The following KRT14 variants were observed in gnomAD, a reference collection of about 807,000 sequenced individuals.
KRT14 encodes keratin, type I cytoskeletal 14.
KRT14 carries 30 observed loss-of-function variants against 44.5 expected under a neutral mutation model. The ratio of observed to expected loss-of-function variants is 0.67; its 90% CI spans 0.50 to 0.92. The LOEUF is 0.92. KRT14 is among the 40% of genes least tolerant of loss of function. The pLI, the probability that KRT14 is intolerant of heterozygous loss-of-function variation, is 0.00. For synonymous variants in KRT14, 241 were observed against 257.6 expected (o/e 0.94, Z 0.62); for missense variants, 535 against 640.6 (o/e 0.84, Z 1.78).
At position 41,583,569 on chromosome 17, in the gene KRT14, C is replaced by A; in HGVS notation, c.1035G>T (p.Leu345=). 1 of 1,614,230 alleles carries A rather than the reference C, an allele frequency of 6.2e-7. No homozygotes were observed. The highest frequency in any genetic ancestry group is 8.5e-7 in the Non-Finnish European group (1 of 1,180,042). ...TTCCTACCATGCTGAGCTGGGACTG[C>A]AGCTCAATCTCCAGGTTCTGCATGG... ...RRTMQNLEIE[L]QSQLSMKASL... Residue 345 remains leucine (L), a synonymous_variant, in exon 5 of 8, where the codon CTG becomes CTT. Transcript: ENST00000167586.
chr17:41,582,877 G>T, intron 7 of KRT14: 1 of 621,892 alleles, frequency 1.6e-6, no homozygotes, highest in Non-Finnish European at 2.9e-6. Context: ...AATAGGATCT[G>T]CCACAGACAC....
Position 41,586,702 on chromosome 17 carries a change from T to G in KRT14, c.133A>C (p.Thr45Pro). The change falls in exon 1 of 8, where the codon ACC (threonine) becomes CCC (proline). Residue 45 changes from threonine to proline, a missense_variant. By Grantham distance (38) the Thr-to-Pro change is conservative. Transcript: ENST00000167586. ...GAGACAGACAGGCCGCCCCCGTAGG[T>G]GCTGGGGGCGCGGCAGGACCCTCCG... is the stretch of plus-strand genomic sequence containing the variant. ...LAGGSCRAPS[T>P]YGGGLSVSSS... 6.3e-7 allele frequency: 1 copy of G among 1,591,910 alleles called. No homozygotes were observed. The highest frequency in any genetic ancestry group is 8.5e-7 in the Non-Finnish European group (1 of 1,169,802).
chr17:41,583,199 T>G (rs1399664958), intron 6 of KRT14, 36 bp downstream of exon 6: 11 of 1,554,024 alleles, frequency 7.1e-6, no homozygotes, highest in African/African-American at 2.8e-5. Flanking sequence ...GAGAGTGCCA[T>G]GGGGGGGGCG....
rs768948990 is a variant in KRT14 at position 41,583,855 on chromosome 17, C to G, written c.832G>C (p.Val278Leu). ...TCGTTCAGAATGCGGCTCAGGTCCA[C>G]GCCAGGTGCAGCGTCCATCTCCACA... ...VNVEMDAAPG[V>L]DLSRILNEMR... Residue 278 changes from valine (V) to leucine (L), a missense_variant, in exon 4 of 8, where the codon GTG becomes CTG. By Grantham distance (32) the Val-to-Leu change is conservative. Transcript: ENST00000167586. 1 of 1,614,140 alleles carries G rather than the reference C, an allele frequency of 6.2e-7. No homozygotes were observed. The highest frequency in any genetic ancestry group is 8.5e-7 in the Non-Finnish European group (1 of 1,180,018).
rs58378809 is a variant in KRT14, at chr17:41,586,393, G to A, written c.442C>T (p.Arg148Cys). 35 of 1,613,834 alleles carry A rather than the reference G, an allele frequency of 2.2e-5. No individual in the cohort carries two copies. Among genetic ancestry groups the A allele is most frequent in the Non-Finnish European group, 3.0e-5 (35 of 1,180,020 alleles). Residue 148 changes from arginine to cysteine, a missense_variant, in exon 1 of 8, where the codon CGT becomes TGT. Transcript: ENST00000167586. ...EANADLEVKI[R>C]DWYQRQRPAE... ...GGCCGCTGCCTCTGGTACCAGTCAC[G>A]GATCTTCACTTCCAGGTCGGCGTTG... is the stretch of plus-strand genomic sequence containing the variant.
At chr17:41,583,012 G>T (rs1019991995) in intron 7 of KRT14, 82 bp downstream of exon 7, 1 of 1,332,456 alleles carries the variant, frequency 7.5e-7, no homozygotes, top group Admixed American at 1.7e-5. Context: ...AGCCCCTCAC[G>T]GAGCCCCTAG....
At position 41,583,457 on chromosome 17, in the gene KRT14, T is replaced by A. The variant is rs902994260; in HGVS notation, c.1054-2A>T. ...CAGGCTGTTCTCCAGGGATGCTTTC[T>A]GTGAGGGAGGGAAAGGGAATCAACG... On this transcript the variant is annotated splice_acceptor_variant, in intron 5 of 7. Transcript: ENST00000167586. LOFTEE classifies it high-confidence loss of function. 6.2e-7 allele frequency: 1 copy of A among 1,614,162 alleles called. No homozygotes were observed.
At chr17:41,584,935 T>G (rs758454318) in intron 2 of KRT14, 40 bp downstream of exon 2, 6 of 1,520,212 alleles carry the variant, frequency 3.9e-6, no homozygotes, top group Non-Finnish European at 5.5e-6. Context: ...TGCCCTACTC[T>G]GGGGACACTG....
Position 41,583,135 on chromosome 17 carries a change from G to T in KRT14, c.1280C>A (p.Ser427Tyr). Reference protein sequence around the residue: ...RLLEGEDAHLSSSQFSSGSQS... With the variant: ...RLLEGEDAHLYSSQFSSGSQS... ...CGATCCAGAGGAGAACTGGGAGGAGGAGAGGCTGTGAAAATAGAAAAGGAC... is the reference window on the plus strand; with the variant it reads ...CGATCCAGAGGAGAACTGGGAGGAGTAGAGGCTGTGAAAATAGAAAAGGAC... Residue 427 changes from serine (S) to tyrosine (Y), a missense_variant, in exon 7 of 8, where the codon TCC becomes TAC. Physicochemically the swap from Ser to Tyr is moderately radical, Grantham distance 144 (BLOSUM62 -2). Transcript: ENST00000167586. 6.2e-7 allele frequency: 1 copy of T among 1,613,362 alleles called. No individual in the cohort carries two copies. Among genetic ancestry groups the T allele is most frequent in the Admixed American group, 1.7e-5 (1 of 59,992 alleles).
In KRT14 at chr17:41,583,427, T is replaced by C. The variant is rs757335335; in HGVS notation, c.1082A>G (p.Glu361Gly). The C allele has an allele frequency of 1.2e-6, 2 of 1,614,046 alleles. No individual in the cohort carries two copies. The highest frequency in any genetic ancestry group is 3.3e-5 in the Admixed American group (2 of 60,024). ...CTGCATGCAGTAGCGACCTTTGGTC[T>C]CCTCCAGGCTGTTCTCCAGGGATGC... ...MKASLENSLE[E>G]TKGRYCMQLA... Residue 361 changes from glutamate to glycine, a missense_variant, in exon 6 of 8, where the codon GAG becomes GGG. Transcript: ENST00000167586.
intron 2 of KRT14, 99 bp downstream of exon 2, chr17:41,584,876 A>G: frequency 1.1e-6 from 1 of 896,970 alleles, no homozygotes; most frequent in Admixed American, 1.9e-5. Flanking sequence ...GTTTTCATGC[A>G]CCTATCCTGG....
rs774296675 is a variant in KRT14, at chr17:41,585,014, A to G, written c.569T>C (p.Ile190Thr). Residue 190 changes from isoleucine (I) to threonine (T), a missense_variant, in exon 2 of 8, where the codon ATT (isoleucine) becomes ACT (threonine). By Grantham distance (89) the Ile-to-Thr change is moderately conservative. Coordinates refer to ENST00000167586, the MANE Select transcript of KRT14 (RefSeq NM_000526.5). ...ATCCGCGGCCAGACGGGCATTGTCAATCTGCAGAAGGACATTGGCATTGTC... is the reference window on the plus strand; with the variant it reads ...ATCCGCGGCCAGACGGGCATTGTCAGTCTGCAGAAGGACATTGGCATTGTC... ...TVDNANVLLQIDNARLAADDF... is the reference protein window; with the variant it reads ...TVDNANVLLQTDNARLAADDF... 4 of 1,614,140 alleles carry G rather than the reference A, an allele frequency of 2.5e-6. No individual in the cohort carries two copies. Among genetic ancestry groups the G allele is most frequent in the East Asian group, 2.2e-5 (1 of 44,886 alleles).
chr17:41,586,311 T>C lies in KRT14; in HGVS notation c.524A>G (p.Lys175Arg). 6.2e-7 allele frequency: 1 copy of C among 1,612,164 alleles called. No individual in the cohort carries two copies. The highest frequency in any genetic ancestry group is 8.5e-7 in the Non-Finnish European group (1 of 1,179,924). The change falls in exon 1 of 8, where the codon AAG becomes AGG. Residue 175 changes from lysine (K) to arginine (R), a missense_variant and splice_region_variant. Transcript: ENST00000167586. ...YFKTIEDLRNKILTATVDNAN... is the reference protein window; with the variant it reads ...YFKTIEDLRNRILTATVDNAN... The stretch of plus-strand genomic sequence containing the variant: ...GCCTTCTGCTGCCCATTCACCCACC[T>C]TGTTCCTCAGGTCCTCAATGGTCTT...
intron 1 of KRT14, 124 bp downstream of exon 1, chr17:41,586,186 G>A (rs1464363572): frequency 1.1e-5 from 15 of 1,304,858 alleles, no homozygotes; most frequent in East Asian, 6.9e-5. Flanking sequence ...CCAAGACCTC[G>A]AAAGAAGGGA....
chr17:41,584,033 T>TTCTC, intron 3 of KRT14, 112 bp from the exon 4 acceptor site: 3 of 792,888 alleles, frequency 3.8e-6, no homozygotes, highest in Non-Finnish European at 4.0e-6. Context: ...CGACTCTCCC[T>TTCTC]TCTCTCTCTC....
Position 41,585,044 on chromosome 17 carries a change from G to A in KRT14, c.539C>T (p.Thr180Ile). 1.2e-6 allele frequency: 2 copies of A among 1,613,774 alleles called. No homozygotes were observed. Among genetic ancestry groups the A allele is most frequent in the Non-Finnish European group, 1.7e-6 (2 of 1,179,632 alleles). ...EDLRNKILTA[T>I]VDNANVLLQI... ...CAGAAGGACATTGGCATTGTCCACT[G>A]TGGCTGTGAGAATCTGCAGGATGGA... is the stretch of plus-strand genomic sequence containing the variant. Residue 180 changes from threonine (T) to isoleucine (I), a missense_variant, in exon 2 of 8, where the codon ACA becomes ATA. Coordinates refer to ENST00000167586, the MANE Select transcript of KRT14 (RefSeq NM_000526.5).
In KRT14 at chr17:41,583,103, A is replaced by G; in HGVS notation, c.1312T>C (p.Ser438Pro). The G allele has an allele frequency of 1.9e-6, 3 of 1,613,046 alleles. No homozygotes were observed. The Admixed American group carries it at 5.0e-5, about 27-fold the overall frequency. Residue 438 changes from serine to proline, a missense_variant, in exon 7 of 8, where the codon TCC becomes CCC. Coordinates refer to ENST00000167586, the MANE Select transcript of KRT14 (RefSeq NM_000526.5). ...SSQFSSGSQS[S>P]RDVTSSSRQI... ...AGGAGGAGGGTCTTACCATCTCTGGATGACTGCGATCCAGAGGAGAACTGG... is the reference window on the plus strand; with the variant it reads ...AGGAGGAGGGTCTTACCATCTCTGGGTGACTGCGATCCAGAGGAGAACTGG...
rs1486286930 is a variant in KRT14, at chr17:41,586,689, C to T, written c.146G>A (p.Gly49Asp). 1 of 1,594,868 alleles carries T rather than the reference C, an allele frequency of 6.3e-7. No individual in the cohort carries two copies. The change falls in exon 1 of 8, where the codon GGC (glycine) becomes GAC (aspartate). Residue 49 changes from glycine to aspartate, a missense_variant. Physicochemically the swap from Gly to Asp is moderately conservative, Grantham distance 94. Transcript: ENST00000167586. ...GAAGCGGGAGGATGAGACAGACAGG[C>T]CGCCCCCGTAGGTGCTGGGGGCGCG... ...SCRAPSTYGGGLSVSSSRFSS... is the reference protein window; with the variant it reads ...SCRAPSTYGGDLSVSSSRFSS...
chr17:41,584,199 C>T (rs914306498), intron 3 of KRT14, 58 bp downstream of exon 3: 18 of 1,568,090 alleles, frequency 1.1e-5, no homozygotes, highest in African/African-American at 2.7e-5. Context: ...TGGGCACGCA[C>T]CACTGTACCC....
Sources: gnomAD v4.1 joint callset for allele counts on GRCh38, gnomAD v4.1.1 for gene constraint, MANE v1.5 for transcripts, NCBI Gene and HGNC (gene_info 2026-07-23, HGNC 2026-07-21) for gene names.